Variants in DUS2 observed in about 807,000 individuals in gnomAD.
DUS2 encodes the protein dihydrouridine synthase 2, also known as tRNA-dihydrouridine(20) synthase [NAD(P)+]-like.
DUS2 carries 52 observed loss-of-function variants against 71.3 expected under a neutral mutation model. That is an observed-to-expected ratio of 0.73 (90% CI 0.58 to 0.92). The LOEUF (loss-of-function observed/expected upper bound fraction) is 0.92. DUS2 is among the 40% of genes least tolerant of loss of function. The pLI is 0.00. For synonymous variants in DUS2, 204 were observed against 227.8 expected, an observed-to-expected ratio of 0.90 and a Z score of 0.94; for missense variants, 558 against 622.6, an observed-to-expected ratio of 0.90 and a Z score of 1.10.
chr16:68,055,483 A>G (rs2033838942), intron 6 of DUS2, among the ~76,000 whole-genome samples: 2 of 152,132 alleles, frequency 1.3e-5, no homozygotes, highest in Non-Finnish European at 2.9e-5. Flanking sequence ...GGAGAGTGCT[A>G]TAGTTAATGT....
chr16:68,047,035 C>T (rs1482738139), intron 3 of DUS2, among the ~76,000 whole-genome samples: 1 of 149,642 alleles, frequency 6.7e-6, no homozygotes, highest in Non-Finnish European at 1.5e-5. Context: ...CAGGCGTGAG[C>T]CACCATGCCC....
At chr16:68,030,873 G>T (rs1343613210) in intron 2 of DUS2, among the ~76,000 whole-genome samples, 1 of 151,866 alleles carries the variant, frequency 6.6e-6, no homozygotes, top group Non-Finnish European at 1.5e-5. Flanking sequence ...GGCTGGGACT[G>T]CAGGCACCTT....
At chr16:68,074,823 A>G (rs1301440615) in intron 13 of DUS2, among the ~76,000 whole-genome samples, 4 of 152,098 alleles carry the variant, frequency 2.6e-5, no homozygotes, top group African/African-American at 9.7e-5. Context: ...AGAAGGGAAA[A>G]ACCTTTGCCA....
chr16:68,075,928 C>T (rs556159583), intron 14 of DUS2, among the ~76,000 whole-genome samples: 1 of 152,288 alleles, frequency 6.6e-6, no homozygotes, highest in East Asian at 1.9e-4. Flanking sequence ...TCTCAAGCTG[C>T]TTACGCCTCA....
intron 12 of DUS2, among the ~76,000 whole-genome samples, chr16:68,073,472 A>G (rs1198845814): frequency 7.4e-6 from 1 of 134,768 alleles, no homozygotes; most frequent in Non-Finnish European, 1.6e-5. Context: ...TTTTTGAGAC[A>G]GAGTTTTGCT....
In DUS2 at chr16:68,039,750, G is replaced by GAGGA. The variant is rs1239621884; in HGVS notation, c.126+1614_126+1617dup. On this transcript the variant is annotated intron_variant, in intron 3 of 16. Transcript: ENST00000565263. Reference sequence around the variant, plus strand: ...GTTTCTTGAAAAAAAGCAAGGAAGGGAGGAAGGAAGGAAGGAGGGAGGGAG... The same window carrying GAGGA: ...GTTTCTTGAAAAAAAGCAAGGAAGGGAGGAAGGAAGGAAGGAAGGAGGGAGGGAG... Among the ~76,000 whole-genome samples the GAGGA allele has an allele frequency of 7.6e-4, 98 of 129,244 alleles. 2 individuals are homozygous for GAGGA. In the Middle Eastern group the frequency reaches 0.042, roughly 55 times the overall value. The allele number at this position is 129,244 out of a possible 152,430, so 84.8% of individuals were successfully genotyped here. A position where few individuals can be genotyped will look rare whatever the true frequency, so the allele number is the denominator to read the frequency against.
chr16:68,056,242 G>A (rs774131194), intron 6 of DUS2, 122 bp from the exon 7 acceptor site: 26 of 732,934 alleles, frequency 3.5e-5, no homozygotes, highest in Non-Finnish European at 5.4e-5. Context: ...GGGGGTTGGT[G>A]TGTTTCATAG....
chr16:68,060,096 A>G (rs1448631271), intron 7 of DUS2, among the ~76,000 whole-genome samples: 2 of 152,204 alleles, frequency 1.3e-5, no homozygotes, highest in Non-Finnish European at 2.9e-5. Flanking sequence ...GTTGATGCCT[A>G]TGCAAGCATT....
chr16:68,069,243 T>C (rs536282935), intron 10 of DUS2, among the ~76,000 whole-genome samples: 60 of 151,752 alleles, frequency 4.0e-4, no homozygotes, highest in Non-Finnish European at 8.1e-4. Flanking sequence ...AATACAAAAT[T>C]AGCTAGGCAT....
At chr16:68,049,408 A>T (rs2033747597) in intron 3 of DUS2, 97 bp from the exon 4 acceptor site, 2 of 1,311,518 alleles carry the variant, frequency 1.5e-6, no homozygotes, top group Non-Finnish European at 2.2e-6. Flanking sequence ...TAGTAGGGCG[A>T]CTGGCCAAGC....
intron 2 of DUS2, among the ~76,000 whole-genome samples, chr16:68,031,243 C>T (rs764878870): frequency 5.9e-5 from 9 of 152,190 alleles, no homozygotes; most frequent in African/African-American, 1.9e-4. Flanking sequence ...TCTCTCACTG[C>T]AACCTCTGCC....
At chr16:68,032,317 T>C (rs777906969) in intron 2 of DUS2, among the ~76,000 whole-genome samples, 3 of 152,184 alleles carry the variant, frequency 2.0e-5, no homozygotes, top group Admixed American at 6.6e-5. Context: ...CTAAAGGTCA[T>C]GTACCTGGCT....
At chr16:68,053,676 A>G in intron 5 of DUS2, 21 bp downstream of exon 5, 1 of 1,613,410 alleles carries the variant, frequency 6.2e-7, no homozygotes, top group South Asian at 1.1e-5. Context: ...CCATTGCTGC[A>G]TGCCCTCCTG....
Position 68,043,985 on chromosome 16 carries a change from A to G in DUS2, c.127-5520A>G, listed in dbSNP as rs527671939. On this transcript the variant is annotated intron_variant, in intron 3 of 16. Coordinates refer to ENST00000565263, the MANE Select transcript of DUS2 (RefSeq NM_017803.5). ...GGGTCTGTGCTCTTGTAAAAAATCA[A>G]TTAATCATAGATGTTTTGATTTGAT... 5.9e-5 allele frequency among the ~76,000 whole-genome samples: 9 copies of G among 152,290 alleles called. No homozygotes were observed. In the East Asian group the frequency reaches 9.6e-4, roughly 16 times the overall value.
intron 2 of DUS2, among the ~76,000 whole-genome samples, chr16:68,037,708 C>G (rs913277731): frequency 6.6e-6 from 1 of 152,076 alleles, no homozygotes; most frequent in East Asian, 1.9e-4. Context: ...TGTGAACCAT[C>G]GTGCCTAGCT....
chr16:68,028,509 G>A (rs2033390214), intron 2 of DUS2, among the ~76,000 whole-genome samples: 1 of 151,852 alleles, frequency 6.6e-6, no homozygotes, highest in Non-Finnish European at 1.5e-5. Flanking sequence ...CGTGGTGGTG[G>A]GCACCTGTAA....
intron 3 of DUS2, among the ~76,000 whole-genome samples, chr16:68,042,630 C>T (rs2033647155): frequency 6.6e-6 from 1 of 152,196 alleles, no homozygotes; most frequent in Non-Finnish European, 1.5e-5. Flanking sequence ...CTACTTCAGC[C>T]TCCTGAGTAG....
intron 2 of DUS2, among the ~76,000 whole-genome samples, chr16:68,035,261 G>T (rs1292192826): frequency 2.0e-5 from 3 of 152,152 alleles, no homozygotes; most frequent in South Asian, 4.1e-4. Flanking sequence ...TAATGATCAT[G>T]TAAAAATATG....
At chr16:68,073,935 C>T in intron 12 of DUS2, 99 bp from the exon 13 acceptor site, 1 of 1,486,580 alleles carries the variant, frequency 6.7e-7, no homozygotes, top group East Asian at 2.3e-5. Context: ...GCTACACATA[C>T]ATCTCTGGTG....
Sources: allele counts gnomAD v4.1 joint callset (sites outside exome capture counted in the v4.1 genomes callset), GRCh38; gene constraint gnomAD v4.1.1; transcripts MANE v1.5; gene names NCBI Gene and HGNC (gene_info 2026-07-23, HGNC 2026-07-21).